The following KDM6B variants were observed in gnomAD, a reference collection of about 807,000 sequenced individuals.
KDM6B encodes lysine-specific demethylase 6B.
KDM6B carries 22 observed loss-of-function variants against 150.4 expected under a neutral mutation model. The observed-to-expected ratio is 0.15, with a 90% CI of 0.10 to 0.21. KDM6B has a LOEUF of 0.21. Ranked by LOEUF, KDM6B falls within the 10% of genes least tolerant of loss-of-function variation. The pLI is 1.00. For missense variants in KDM6B, 1,984 were observed against 2,234.3 expected, an observed-to-expected ratio of 0.89 and a Z score of 2.26; for synonymous variants, 1,148 against 921.1, an observed-to-expected ratio of 1.25 and a Z score of -4.46.
intron 1 of KDM6B, among the ~76,000 whole-genome samples, chr17:7,837,907 A>G (rs1179268211): frequency 6.6e-6 from 1 of 151,616 alleles, no homozygotes; most frequent in Non-Finnish European, 1.5e-5. Context: ...GTTAATTTGG[A>G]GATTGGGGTT....
intron 1 of KDM6B, among the ~76,000 whole-genome samples, chr17:7,837,392 G>A (rs1219509029): frequency 6.6e-6 from 1 of 152,230 alleles, no homozygotes; most frequent in Non-Finnish European, 1.5e-5. Context: ...GTATTAGGCT[G>A]AAAAGTCAGG....
At position 7,846,234 on chromosome 17, in the gene KDM6B, C is replaced by T. The variant is rs1365775309; in HGVS notation, c.393C>T (p.His131=). 1.9e-6 allele frequency: 3 copies of T among 1,614,088 alleles called. No individual in the cohort carries two copies. Among genetic ancestry groups the T allele is most frequent in the Non-Finnish European group, 1.7e-6 (2 of 1,180,004 alleles). The change falls in exon 7 of 24, where the codon CAC becomes CAT. Residue 131 remains histidine, a synonymous_variant. Coordinates refer to ENST00000448097, the MANE Select transcript of KDM6B (RefSeq NM_001348716.2). ...GTGAGGAGGCCACACGCTGCTACCA[C>T]AGCGCCCTTCGATACGGAGGAAGCT... ...HDSEEATRCY[H]SALRYGGSFA...
chr17:7,843,943 G>A lies in KDM6B; in HGVS notation c.-268-958G>A, dbSNP rs1394079636. Among the ~76,000 whole-genome samples, 1 of 152,110 alleles carries A rather than the reference G, an allele frequency of 6.6e-6. No homozygotes were observed. The highest frequency in any genetic ancestry group is 1.5e-5 in the Non-Finnish European group (1 of 68,014). ...CGGCACCAAAGCGAAAGGGTGGGGG[G>A]GGCGTGAAGGAGGAAGTGAAACGAG... On this transcript the variant is annotated intron_variant, in intron 2 of 23. Coordinates refer to ENST00000448097, the MANE Select transcript of KDM6B (RefSeq NM_001348716.2). The surrounding 1 kb of genome is among the most constrained non-coding windows in gnomAD (Gnocchi z 4.5).
chr17:7,844,997 T>TA lies in KDM6B; in HGVS notation c.-172_-171insA. 4.3e-5 allele frequency: 8 copies of TA among 185,792 alleles called. No individual in the cohort carries two copies. In the South Asian group the frequency reaches 5.6e-4, roughly 13 times the overall value. 11.5% of individuals were successfully genotyped at this position (185,792 alleles called of 1,614,324 possible). On this transcript the variant is annotated 5_prime_UTR_variant, in exon 3 of 24. Coordinates refer to ENST00000448097, the MANE Select transcript of KDM6B (RefSeq NM_001348716.2). The surrounding 1 kb of genome is among the most constrained non-coding windows in gnomAD (Gnocchi z 5.9). Reference sequence around the variant, plus strand: ...ATCTCTGGAGCTTGCCGACGCGGTGTGAGGACGCTCCCACGGAGGCCGGGT... The same window carrying TA: ...ATCTCTGGAGCTTGCCGACGCGGTGTAGAGGACGCTCCCACGGAGGCCGGGT...
rs750692123 is a variant in KDM6B at position 7,851,375 on chromosome 17, A to G, written c.3925A>G (p.Thr1309Ala). 1 of 1,614,148 alleles carries G rather than the reference A, an allele frequency of 6.2e-7. No homozygotes were observed. Among genetic ancestry groups the G allele is most frequent in the South Asian group, 1.1e-5 (1 of 91,086 alleles). ...EDEESEEPDS[T>A]TGTPPSSAPD... ...TGAGGAGTCAGAGGAGCCAGACAGC[A>G]CCACTGGAACCCCTCCTAGGTACTG... Residue 1309 changes from threonine to alanine, a missense_variant, in exon 16 of 24, where the codon ACC (threonine) becomes GCC (alanine). Transcript: ENST00000448097.
Position 7,851,628 on chromosome 17 carries a change from G to T in KDM6B, c.4017-20G>T, listed in dbSNP as rs756376096. ...TGGCGGGGGCGGGGTGTAGCCTCTC[G>T]TCGCACTTCCGCACCGCAGGTGGAA... On this transcript the variant is annotated intron_variant, in intron 17 of 23. Coordinates refer to ENST00000448097, the MANE Select transcript of KDM6B (RefSeq NM_001348716.2). 2 of 1,599,292 alleles carry T rather than the reference G, an allele frequency of 1.3e-6. No homozygotes were observed. Among genetic ancestry groups the T allele is most frequent in the Non-Finnish European group, 1.7e-6 (2 of 1,172,624 alleles).
chr17:7,837,193 T>G (rs556950983), intron 1 of KDM6B, among the ~76,000 whole-genome samples: 84 of 152,260 alleles, frequency 5.5e-4, no homozygotes, highest in African/African-American at 2.0e-3. Context: ...CATTTTACTT[T>G]CCCACCTGCT....
rs761148518 is a variant in KDM6B, at chr17:7,849,236, A to G, written c.2948A>G (p.His983Arg). 3.8e-6 allele frequency: 6 copies of G among 1,577,300 alleles called. No homozygotes were observed. Among genetic ancestry groups the G allele is most frequent in the South Asian group, 2.3e-5 (2 of 87,934 alleles). Reference sequence around the variant, plus strand: ...CGACAGAAGGAGCATCAGAAGGAGCATCGGCGGCACAGGCGGGCCTGTAAG... The same window carrying G: ...CGACAGAAGGAGCATCAGAAGGAGCGTCGGCGGCACAGGCGGGCCTGTAAG... ...KRRQKEHQKE[H>R]RRHRRACKDS... The change falls in exon 12 of 24, where the codon CAT becomes CGT. Residue 983 changes from histidine to arginine, a missense_variant. His to Arg is a conservative substitution (Grantham distance 29). Transcript: ENST00000448097.
chr17:7,836,764 G>C (rs1389773921), intron 1 of KDM6B, among the ~76,000 whole-genome samples: 2 of 152,246 alleles, frequency 1.3e-5, no homozygotes, highest in African/African-American at 2.4e-5. Flanking sequence ...TGGGTTCCCA[G>C]AATTCCTAAG....
Position 7,847,862 on chromosome 17 carries a change from T to C in KDM6B, c.1574T>C (p.Phe525Ser), listed in dbSNP as rs2078595368. 7.5e-7 allele frequency: 1 copy of C among 1,341,234 alleles called. No homozygotes were observed. The highest frequency in any genetic ancestry group is 9.9e-7 in the Non-Finnish European group (1 of 1,005,830). 83.1% of individuals were successfully genotyped at this position (1,341,234 alleles called of 1,614,324 possible). ...CCACCCCTCCCCCATCGCGAGGGCT[T>C]CTTGGGGCCTCCGGCCTCCCGCTTT... Reference protein sequence around the residue: ...APPPLPHREGFLGPPASRFSV... With the variant: ...APPPLPHREGSLGPPASRFSV... Residue 525 changes from phenylalanine to serine, a missense_variant, in exon 12 of 24, where the codon TTC becomes TCC. Around this residue, in one of 13 missense-constraint regions of KDM6B, gnomAD observed 1,379 missense variants for 1,275.6 expected, o/e 1.08. Transcript: ENST00000448097.
At chr17:7,850,026 A>AGCCTG (rs1159573979) in intron 13 of KDM6B, 46 bp from the exon 14 acceptor site, 1 of 1,613,256 alleles carries the variant, frequency 6.2e-7, no homozygotes, top group Non-Finnish European at 8.5e-7. Context: ...GGGTGCTCTG[A>AGCCTG]GCCTGGGCCA....
intron 1 of KDM6B, among the ~76,000 whole-genome samples, chr17:7,835,968 C>G (rs890039861): frequency 6.6e-6 from 1 of 152,272 alleles, no homozygotes; most frequent in Non-Finnish European, 1.5e-5. Context: ...CACCTCCCCC[C>G]AGCTGGCGCC....
chr17:7,847,120 C>T lies in KDM6B; in HGVS notation c.925C>T (p.Leu309=), dbSNP rs757824717. Residue 309 remains leucine, a synonymous_variant, in exon 11 of 24, where the codon CTG becomes TTG. Coordinates refer to ENST00000448097, the MANE Select transcript of KDM6B (RefSeq NM_001348716.2). ...PPERQEQRHS[L]PHPYPYPAPA... Reference sequence around the variant, plus strand: ...TCTCCTATAGGAGCAGCGGCACTCGCTGCCTCACCCATATCCATACCCAGC... The same window carrying T: ...TCTCCTATAGGAGCAGCGGCACTCGTTGCCTCACCCATATCCATACCCAGC... The T allele has an allele frequency of 1.4e-5, 22 of 1,611,476 alleles. No homozygotes were observed. Among genetic ancestry groups the T allele is most frequent in the South Asian group, 9.9e-5 (9 of 91,090 alleles).
In KDM6B at chr17:7,853,492, C is replaced by T; in HGVS notation, c.4909-6C>T. On this transcript the variant is annotated splice_region_variant and splice_polypyrimidine_tract_variant and intron_variant, in intron 23 of 23. Transcript: ENST00000448097. ...CCCTGAGCCCCCGCCGGCTTTCTCC[C>T]CCCAGGCCCCAGCCAGCACGTCGCG... 1 of 1,507,778 alleles carries T rather than the reference C, an allele frequency of 6.6e-7. No individual in the cohort carries two copies. The highest frequency in any genetic ancestry group is 2.1e-5 in the Admixed American group (1 of 47,342). 93.4% of individuals were successfully genotyped at this position (1,507,778 alleles called of 1,614,324 possible). A position where few individuals can be genotyped will look rare whatever the true frequency, so the allele number is the denominator to read the frequency against.
chr17:7,852,656 G>C lies in KDM6B; in HGVS notation c.4610+20G>C. The C allele has an allele frequency of 6.2e-7, 1 of 1,613,856 alleles. No individual in the cohort carries two copies. Among genetic ancestry groups the C allele is most frequent in the South Asian group, 1.1e-5 (1 of 91,088 alleles). ...GATCAAGTGAGGACCCTATTTGGGTGGGAGCCCACCTCCACTGACTGGTCC... is the reference window on the plus strand; with the variant it reads ...GATCAAGTGAGGACCCTATTTGGGTCGGAGCCCACCTCCACTGACTGGTCC... On this transcript the variant is annotated intron_variant, in intron 21 of 23. Transcript: ENST00000448097.
rs1239066708 is a variant in KDM6B, at chr17:7,847,306, G to A, written c.1111G>A (p.Asp371Asn). ...RESRVQRSRMDSSVSPAATTA... is the reference protein window; with the variant it reads ...RESRVQRSRMNSSVSPAATTA... ...GAGCAGAGTTCAGAGGTCGCGGATG[G>A]ACTCCAGCGTTTCACCAGCAGCAAC... The change falls in exon 11 of 24, where the codon GAC (aspartate) becomes AAC (asparagine). Residue 371 changes from aspartate to asparagine, a missense_variant. Asp to Asn is a conservative substitution (Grantham distance 23). Around this residue, in one of 13 missense-constraint regions of KDM6B, gnomAD observed 1,379 missense variants for 1,275.6 expected, o/e 1.08. Transcript: ENST00000448097. The A allele has an allele frequency of 5.6e-6, 9 of 1,607,128 alleles. No individual in the cohort carries two copies. The highest frequency in any genetic ancestry group is 7.6e-6 in the Non-Finnish European group (9 of 1,179,834).
intron 14 of KDM6B, among the ~76,000 whole-genome samples, chr17:7,850,813 A>G (rs889544096): frequency 6.6e-6 from 1 of 152,168 alleles, no homozygotes. Context: ...GCTGCAGGAG[A>G]AAGAGGGCTG....
Position 7,845,393 on chromosome 17 carries a change from C to T in KDM6B, c.-69C>T. ...AGAGCGGCTGGAGCCGGACCATCGT[C>T]CCAGAGAGCTGGGGCAGGGGGCCGT... On this transcript the variant is annotated 5_prime_UTR_variant, in exon 4 of 24. Transcript: ENST00000448097. 2 of 884,932 alleles carry T rather than the reference C, an allele frequency of 2.3e-6. No individual in the cohort carries two copies. The highest frequency in any genetic ancestry group is 1.4e-5 in the South Asian group (1 of 73,656). The allele number at this position is 884,932 out of a possible 1,614,324, so 54.8% of individuals were successfully genotyped here.
chr17:7,851,877 G>A, intron 18 of KDM6B, 74 bp from the exon 19 acceptor site: 1 of 1,587,054 alleles, frequency 6.3e-7, no homozygotes, highest in Non-Finnish European at 8.6e-7. Context: ...CAGCCAATGA[G>A]GGCAGAGGGC....
Sources: allele counts gnomAD v4.1 joint callset (sites outside exome capture counted in the v4.1 genomes callset), GRCh38; gene constraint gnomAD v4.1.1; regional missense constraint gnomAD v4.1.1; non-coding constraint Gnocchi (gnomAD v3.1); transcripts MANE v1.5; gene names NCBI Gene and HGNC (gene_info 2026-07-23, HGNC 2026-07-21).